The following GANC variants were observed in gnomAD, a reference collection of about 807,000 sequenced individuals.
GANC encodes glucosidase alpha, neutral C.
GANC carries 117 observed loss-of-function variants against 124.2 expected under a neutral mutation model. The observed-to-expected ratio is 0.94, with a 90% CI of 0.81 to 1.10. GANC has a LOEUF of 1.10. Among genes scored for constraint, GANC ranks in the 50% least tolerant of loss-of-function variants. The pLI, the probability that GANC is intolerant of heterozygous loss-of-function variation, is 0.00. For synonymous variants in GANC, 377 were observed against 376.8 expected (o/e 1.00, Z -0.01); for missense variants, 1,140 against 1,095.0 (o/e 1.04, Z -0.58).
chr15:42,274,262 A>T lies in GANC; in HGVS notation c.-220A>T. 3 of 569,272 alleles carry T rather than the reference A, an allele frequency of 5.3e-6. No homozygotes were observed. Among genetic ancestry groups the T allele is most frequent in the Non-Finnish European group, 9.4e-6 (3 of 320,508 alleles). 35.3% of individuals were successfully genotyped at this position (569,272 alleles called of 1,614,324 possible). On this transcript the variant is annotated 5_prime_UTR_variant, in exon 1 of 24. Transcript: ENST00000318010. ...CACCCATAATCAAGACAAATTTGCC[A>T]AATAAATCATTGTAGAAACGCTAGT...
At chr15:42,278,669 T>A in intron 3 of GANC, 79 bp downstream of exon 3, 1 of 1,010,596 alleles carries the variant, frequency 9.9e-7, no homozygotes, top group South Asian at 1.5e-5. Context: ...TAAAGCTATG[T>A]ATGCTTCAAA....
At chr15:42,342,352 G>T (rs991896432) in intron 18 of GANC, among the ~76,000 whole-genome samples, 3 of 152,158 alleles carry the variant, frequency 2.0e-5, no homozygotes, top group African/African-American at 7.2e-5. Context: ...GGGAGGTCGA[G>T]TATGAGATCG....
rs1269305601 is a variant in GANC, at chr15:42,348,070, T to C, written c.2305-33T>C. On this transcript the variant is annotated intron_variant, in intron 20 of 23. Coordinates refer to ENST00000318010, the MANE Select transcript of GANC (RefSeq NM_198141.3). ...CTACCTTGAAATTTTCTTATATGAATACTGCTTCCCTGAGCGTGCTGCTCT... is the reference window on the plus strand; with the variant it reads ...CTACCTTGAAATTTTCTTATATGAACACTGCTTCCCTGAGCGTGCTGCTCT... 3 of 1,193,908 alleles carry C rather than the reference T, an allele frequency of 2.5e-6. No individual in the cohort carries two copies. In the Admixed American group the frequency reaches 7.0e-5, roughly 28 times the overall value. 74.0% of individuals were successfully genotyped at this position (1,193,908 alleles called of 1,614,324 possible). A position where few individuals can be genotyped will look rare whatever the true frequency, so the allele number is the denominator to read the frequency against.
intron 23 of GANC, 152 bp from the exon 24 acceptor site, chr15:42,351,878 C>G (rs1382331349): frequency 1.0e-6 from 1 of 971,450 alleles, no homozygotes; most frequent in Admixed American, 2.9e-5. Context: ...GTTTCTAAAA[C>G]TTCATGGAAG....
At chr15:42,311,023 C>T (rs2052045435) in intron 10 of GANC, among the ~76,000 whole-genome samples, 177 bp downstream of exon 10, 1 of 152,212 alleles carries the variant, frequency 6.6e-6, no homozygotes, top group Admixed American at 6.5e-5. Flanking sequence ...TAAAACATTG[C>T]ACTGGGTCTA....
At chr15:42,341,816 G>A (rs1393180080) in intron 18 of GANC, among the ~76,000 whole-genome samples, 2 of 151,986 alleles carry the variant, frequency 1.3e-5, no homozygotes, top group African/African-American at 2.4e-5. Context: ...CACCCACCTC[G>A]GCCTTCCAAA....
intron 3 of GANC, among the ~76,000 whole-genome samples, chr15:42,279,146 T>C: frequency 6.6e-6 from 1 of 152,252 alleles, no homozygotes; most frequent in Non-Finnish European, 1.5e-5. Flanking sequence ...TTTTGTTTAG[T>C]CTTCGTAACA....
Position 42,273,459 on chromosome 15 carries a change from C to T in GANC, c.-1023C>T. 3 of 1,604,214 alleles carry T rather than the reference C, an allele frequency of 1.9e-6. No individual in the cohort carries two copies. Among genetic ancestry groups the T allele is most frequent in the Non-Finnish European group, 2.6e-6 (3 of 1,176,170 alleles). ...ACCCTCTTCCGGTTCGTCCCGCCTT[C>T]TTCCGGCTCTGCTCTAAGGGCGGGA... On this transcript the variant is annotated 5_prime_UTR_variant, in exon 1 of 24. Coordinates refer to ENST00000318010, the MANE Select transcript of GANC (RefSeq NM_198141.3).
chr15:42,312,959 A>G (rs1273823773), intron 10 of GANC, among the ~76,000 whole-genome samples: 1 of 149,958 alleles, frequency 6.7e-6, no homozygotes, highest in African/African-American at 2.5e-5. Context: ...AAAAAAAAAG[A>G]ACATGCTACT....
At chr15:42,303,952 A>G (rs1270228819) in intron 6 of GANC, among the ~76,000 whole-genome samples, 1 of 152,204 alleles carries the variant, frequency 6.6e-6, no homozygotes, top group Non-Finnish European at 1.5e-5. Context: ...TTAACGAGAC[A>G]GAAAATTAAC....
chr15:42,332,330 A>C (rs933545329), intron 15 of GANC, among the ~76,000 whole-genome samples: 2 of 152,088 alleles, frequency 1.3e-5, no homozygotes, highest in East Asian at 3.9e-4. Flanking sequence ...TTTAATCACA[A>C]AAAAAAGTAT....
chr15:42,283,768 G>A, intron 3 of GANC: 2 of 702,542 alleles, frequency 2.8e-6, no homozygotes, highest in Non-Finnish European at 5.2e-6. Context: ...AGCAGATAAG[G>A]CACAACTACC....
intron 15 of GANC, among the ~76,000 whole-genome samples, chr15:42,334,209 T>G (rs973387148): frequency 1.3e-5 from 2 of 151,648 alleles, no homozygotes; most frequent in African/African-American, 4.8e-5. Context: ...TTGCCCAGGC[T>G]GGAATGCAAT....
chr15:42,336,707 C>T (rs528332861), intron 15 of GANC, among the ~76,000 whole-genome samples: 12 of 151,974 alleles, frequency 7.9e-5, no homozygotes, highest in African/African-American at 2.4e-4. Flanking sequence ...ATCTACAGAA[C>T]GGGAGAAAAT....
intron 20 of GANC, among the ~76,000 whole-genome samples, chr15:42,347,174 GAAA>G (rs775853278): frequency 1.0e-4 from 11 of 105,440 alleles, no homozygotes; most frequent in African/African-American, 1.4e-4. Flanking sequence ...CTTGTTCTTT[GAAA>G]AAAAAAAAAA....
Position 42,338,429 on chromosome 15 carries a change from C to G in GANC, c.1782C>G (p.Asn594Lys), listed in dbSNP as rs1002251532. ...WTGDNTAEWSNLKISIPMLLT... is the reference protein window; with the variant it reads ...WTGDNTAEWSKLKISIPMLLT... ...GCGACAACACAGCAGAATGGAGCAA[C>G]TTGAAAATTTCTATCCCAATGTTAC... The change falls in exon 16 of 24, where the codon AAC (asparagine) becomes AAG (lysine). Residue 594 changes from asparagine to lysine, a missense_variant. By Grantham distance (94) the Asn-to-Lys change is moderately conservative (BLOSUM62 0). Transcript: ENST00000318010. 1 of 1,613,958 alleles carries G rather than the reference C, an allele frequency of 6.2e-7. No homozygotes were observed. The highest frequency in any genetic ancestry group is 1.3e-5 in the African/African-American group (1 of 74,898).
chr15:42,322,965 C>A (rs2052173175), intron 11 of GANC, among the ~76,000 whole-genome samples: 1 of 152,186 alleles, frequency 6.6e-6, no homozygotes, highest in South Asian at 2.1e-4. Flanking sequence ...CCTTTGACCT[C>A]CCCACCAGGC....
chr15:42,337,349 T>G (rs1036187172), intron 15 of GANC, among the ~76,000 whole-genome samples: 13 of 152,180 alleles, frequency 8.5e-5, no homozygotes, highest in African/African-American at 3.1e-4. Context: ...TCTTTGATAT[T>G]TTTTTCTTTT....
At position 42,352,471 on chromosome 15, in the gene GANC, AC is replaced by A. The variant is rs2052457196; in HGVS notation, c.*334del. The A allele has an allele frequency of 9.5e-7, 1 of 1,048,834 alleles. No homozygotes were observed. The highest frequency in any genetic ancestry group is 1.2e-6 in the Non-Finnish European group (1 of 867,542). The allele number at this position is 1,048,834 out of a possible 1,614,324, so 65.0% of individuals were successfully genotyped here. A position where few individuals can be genotyped will look rare whatever the true frequency, so the allele number is the denominator to read the frequency against. On this transcript the variant is annotated 3_prime_UTR_variant, in exon 24 of 24. Transcript: ENST00000318010. ...GTCTGTTTTAACGTGGGCCAAGCCT[AC>A]CTGGGCAGCCCATTTGCCAGGGCTT...
Sources: allele counts gnomAD v4.1 joint callset (sites outside exome capture counted in the v4.1 genomes callset), GRCh38; gene constraint gnomAD v4.1.1; transcripts MANE v1.5; gene names NCBI Gene and HGNC (gene_info 2026-07-23, HGNC 2026-07-21).